ANKRD34C: variants seen among roughly 807,000 people sequenced by gnomAD.
ANKRD34C encodes the protein ankyrin repeat domain 34C.
For missense variants in ANKRD34C, 563 were observed against 653.0 expected, an observed-to-expected ratio of 0.86 and a Z score of 1.50; for synonymous variants, 260 against 253.6, an observed-to-expected ratio of 1.03 and a Z score of -0.24.
Position 79,296,497 on chromosome 15 carries a change from A to G in ANKRD34C, c.*1605A>G, listed in dbSNP as rs967166128. 2 of 167,132 alleles carry G rather than the reference A, an allele frequency of 1.2e-5. No homozygotes were observed. Among genetic ancestry groups the G allele is most frequent in the Non-Finnish European group, 2.9e-5 (2 of 68,126 alleles). 10.4% of individuals were successfully genotyped at this position (167,132 alleles called of 1,614,324 possible). A position where few individuals can be genotyped will look rare whatever the true frequency, so the allele number is the denominator to read the frequency against. ...AATAAAGTTTCTCTGGAAAAGTTCA[A>G]GTATCTCTATGAGATCCCCAGTTAT... On this transcript the variant is annotated 3_prime_UTR_variant, in exon 2 of 2. Coordinates refer to ENST00000421388, the MANE Select transcript of ANKRD34C (RefSeq NM_001146341.2).
At chr15:79,293,207 A>T (rs369628005) in intron 1 of ANKRD34C, 34 bp from the exon 2 acceptor site, 8 of 1,343,490 alleles carry the variant, frequency 6.0e-6, no homozygotes, top group Non-Finnish European at 7.0e-6. Flanking sequence ...GTTATAAAAC[A>T]TATAACATTT....
chr15:79,293,953 C>T lies in ANKRD34C; in HGVS notation c.669C>T (p.Ser223=). Residue 223 remains serine, a synonymous_variant, in exon 2 of 2, where the codon TCC becomes TCT. Coordinates refer to ENST00000421388, the MANE Select transcript of ANKRD34C (RefSeq NM_001146341.2). ...QAGHPSSCNT[S]KAVNEPGSPT... ...GGCATCCAAGCAGTTGTAACACCTCCAAGGCTGTTAATGAGCCTGGGTCAC... is the reference window on the plus strand; with the variant it reads ...GGCATCCAAGCAGTTGTAACACCTCTAAGGCTGTTAATGAGCCTGGGTCAC... 5 of 1,551,652 alleles carry T rather than the reference C, an allele frequency of 3.2e-6. No individual in the cohort carries two copies. Among genetic ancestry groups the T allele is most frequent in the African/African-American group, 2.7e-5 (2 of 73,158 alleles).
In ANKRD34C at chr15:79,295,010, G is replaced by C; in HGVS notation, c.*118G>C. 1.8e-6 allele frequency: 2 copies of C among 1,108,830 alleles called. No individual in the cohort carries two copies. Among genetic ancestry groups the C allele is most frequent in the Non-Finnish European group, 2.5e-6 (2 of 797,624 alleles). 68.7% of individuals were successfully genotyped at this position (1,108,830 alleles called of 1,614,324 possible). A position where few individuals can be genotyped will look rare whatever the true frequency, so the allele number is the denominator to read the frequency against. On this transcript the variant is annotated 3_prime_UTR_variant, in exon 2 of 2. Coordinates refer to ENST00000421388, the MANE Select transcript of ANKRD34C (RefSeq NM_001146341.2). The stretch of plus-strand genomic sequence containing the variant: ...GCCACTTCAGAAGATATAAAAGCAG[G>C]ATGCTGCTTCACTTCTGAGAATAAT...
chr15:79,285,001 A>G (rs2058639541), intron 1 of ANKRD34C, among the ~76,000 whole-genome samples: 2 of 152,236 alleles, frequency 1.3e-5, no homozygotes, highest in Admixed American at 1.3e-4. Flanking sequence ...TTTCATATGG[A>G]TTAATCTCAT....
At chr15:79,292,559 T>C (rs995796113) in intron 1 of ANKRD34C, among the ~76,000 whole-genome samples, 3 of 152,356 alleles carry the variant, frequency 2.0e-5, no homozygotes, top group African/African-American at 7.2e-5. Context: ...AAGTGAAGAC[T>C]ACAACCTGGA....
chr15:79,289,104 G>A (rs1283418499), intron 1 of ANKRD34C, among the ~76,000 whole-genome samples: 2 of 152,166 alleles, frequency 1.3e-5, no homozygotes, highest in Admixed American at 6.5e-5. Context: ...ACAGGCGTGA[G>A]CCACCGTGCC....
chr15:79,295,934 C>T lies in ANKRD34C; in HGVS notation c.*1042C>T, dbSNP rs2058671251. ...ATTGAAGAAAAATCTGGTTTCTTCT[C>T]TTCCTGATCTATCTAGGTGAGAAGA... is the stretch of plus-strand genomic sequence containing the variant. On this transcript the variant is annotated 3_prime_UTR_variant, in exon 2 of 2. Transcript: ENST00000421388. The T allele has an allele frequency of 6.0e-6, 1 of 167,030 alleles. No individual in the cohort carries two copies. The highest frequency in any genetic ancestry group is 1.5e-5 in the Non-Finnish European group (1 of 68,130). 10.3% of individuals were successfully genotyped at this position (167,030 alleles called of 1,614,324 possible). A position where few individuals can be genotyped will look rare whatever the true frequency, so the allele number is the denominator to read the frequency against.
At chr15:79,293,208 T>C (rs1323646252) in intron 1 of ANKRD34C, 33 bp from the exon 2 acceptor site, 1 of 1,379,626 alleles carries the variant, frequency 7.2e-7, no homozygotes, top group African/African-American at 1.5e-5. Context: ...TTATAAAACA[T>C]ATAACATTTG....
Position 79,293,605 on chromosome 15 carries a change from G to C in ANKRD34C, c.321G>C (p.Glu107Asp). The change falls in exon 2 of 2, where the codon GAG (glutamate) becomes GAC (aspartate). Residue 107 changes from glutamate to aspartate, a missense_variant. Physicochemically the swap from Glu to Asp is conservative, Grantham distance 45. Transcript: ENST00000421388. ...GAGAAGTGGTCTCCTTATTACTGGA[G>C]AATGGAGCAGACCCCAGCCTTGAAG... ...AGGEVVSLLLENGADPSLEDR... is the reference protein window; with the variant it reads ...AGGEVVSLLLDNGADPSLEDR... 6.4e-7 allele frequency: 1 copy of C among 1,551,702 alleles called. No homozygotes were observed. The highest frequency in any genetic ancestry group is 8.7e-7 in the Non-Finnish European group (1 of 1,146,996).
rs2058676336 is a variant in ANKRD34C, at chr15:79,297,976, T to C, written c.*3084T>C. ...TAATTTCTAGACTTTCCAAAGCTTT[T>C]TTTTTTCTTTTTAAAAAGCCCATTG... On this transcript the variant is annotated 3_prime_UTR_variant, in exon 2 of 2. Transcript: ENST00000421388. 6.0e-6 allele frequency: 1 copy of C among 166,700 alleles called. No homozygotes were observed. The highest frequency in any genetic ancestry group is 1.5e-5 in the Non-Finnish European group (1 of 68,106). 10.3% of individuals were successfully genotyped at this position (166,700 alleles called of 1,614,324 possible).
At chr15:79,284,856 G>A (rs941795246) in intron 1 of ANKRD34C, among the ~76,000 whole-genome samples, 1 of 152,168 alleles carries the variant, frequency 6.6e-6, no homozygotes, top group Non-Finnish European at 1.5e-5. Context: ...CGCCTCTCTA[G>A]CTTATAATCC....
At position 79,297,424 on chromosome 15, in the gene ANKRD34C, T is replaced by C. The variant is rs2058674877; in HGVS notation, c.*2532T>C. 1 of 167,114 alleles carries C rather than the reference T, an allele frequency of 6.0e-6. No individual in the cohort carries two copies. Among genetic ancestry groups the C allele is most frequent in the South Asian group, 2.1e-4 (1 of 4,834 alleles). 10.4% of individuals were successfully genotyped at this position (167,114 alleles called of 1,614,324 possible). A position where few individuals can be genotyped will look rare whatever the true frequency, so the allele number is the denominator to read the frequency against. On this transcript the variant is annotated 3_prime_UTR_variant, in exon 2 of 2. Transcript: ENST00000421388. The stretch of plus-strand genomic sequence containing the variant: ...CTTTAGCTAAGATTTGGAAACCCAA[T>C]ATTTCCTAAGTAGTGAATGTGGTCT...
intron 1 of ANKRD34C, among the ~76,000 whole-genome samples, 156 bp downstream of exon 1, chr15:79,283,384 G>A (rs1567014375): frequency 6.6e-6 from 1 of 152,192 alleles, no homozygotes; most frequent in Non-Finnish European, 1.5e-5. Context: ...GGGAATGGAA[G>A]GCGGATTTAA....
intron 1 of ANKRD34C, among the ~76,000 whole-genome samples, chr15:79,292,582 G>T (rs1230714360): frequency 1.4e-4 from 22 of 152,170 alleles, no homozygotes; most frequent in Non-Finnish European, 1.8e-4. Flanking sequence ...GGGATAACTA[G>T]ATTGATTTGG....
rs1368392085 is a variant in ANKRD34C, at chr15:79,295,125, CT to C, written c.*236del. 2.0e-6 allele frequency: 1 copy of C among 506,894 alleles called. No individual in the cohort carries two copies. Among genetic ancestry groups the C allele is most frequent in the Admixed American group, 3.9e-5 (1 of 25,748 alleles). 31.4% of individuals were successfully genotyped at this position (506,894 alleles called of 1,614,324 possible). On this transcript the variant is annotated 3_prime_UTR_variant, in exon 2 of 2. Coordinates refer to ENST00000421388, the MANE Select transcript of ANKRD34C (RefSeq NM_001146341.2). ...TAAAAATTCTGCAAAGGAAGAAAGCCTTTGGAATTTGAAGGTAACACAGCAA... is the reference window on the plus strand; with the variant it reads ...TAAAAATTCTGCAAAGGAAGAAAGCCTTGGAATTTGAAGGTAACACAGCAA...
intron 1 of ANKRD34C, among the ~76,000 whole-genome samples, chr15:79,288,795 CTT>C (rs949249472): frequency 1.1e-3 from 141 of 129,070 alleles, no homozygotes; most frequent in Non-Finnish European, 1.7e-3. Flanking sequence ...AAACAGCAGT[CTT>C]TTAAGCCCAG....
rs1447111214 is a variant in ANKRD34C, at chr15:79,297,022, C to G, written c.*2130C>G. 1.2e-5 allele frequency: 2 copies of G among 167,070 alleles called. No homozygotes were observed. Among genetic ancestry groups the G allele is most frequent in the African/African-American group, 4.8e-5 (2 of 41,436 alleles). The allele number at this position is 167,070 out of a possible 1,614,324, so 10.3% of individuals were successfully genotyped here. ...TGGCAAACACACTCCAACATGTGTG[C>G]TAATGGTCTCATACTTTGTAGGAAG... On this transcript the variant is annotated 3_prime_UTR_variant, in exon 2 of 2. Transcript: ENST00000421388.
At chr15:79,288,359 T>C (rs1567015367) in intron 1 of ANKRD34C, among the ~76,000 whole-genome samples, 1 of 152,226 alleles carries the variant, frequency 6.6e-6, no homozygotes, top group Non-Finnish European at 1.5e-5. Flanking sequence ...TATTCTGTCA[T>C]ATGGAAATTG....
chr15:79,285,608 T>C (rs1192690635), intron 1 of ANKRD34C, among the ~76,000 whole-genome samples: 1 of 152,266 alleles, frequency 6.6e-6, no homozygotes, highest in South Asian at 2.1e-4. Flanking sequence ...TTATGTATTT[T>C]ACTTTCATAC....
Sources: allele counts gnomAD v4.1 joint callset (sites outside exome capture counted in the v4.1 genomes callset), GRCh38; gene constraint gnomAD v4.1.1; transcripts MANE v1.5; gene names NCBI Gene and HGNC (gene_info 2026-07-23, HGNC 2026-07-21).